DCUN1D5: variants seen among roughly 807,000 people sequenced by gnomAD.
DCUN1D5 encodes DCN1-like protein 5.
In DCUN1D5, 10 loss-of-function variants were observed where a neutral mutation model predicts 38.3. The observed-to-expected ratio is 0.26, with a 90% CI of 0.16 to 0.44. The LOEUF is 0.44. Ranked by LOEUF, DCUN1D5 falls within the 20% of genes least tolerant of loss-of-function variation. The probability of loss-of-function intolerance (pLI) is 1.00; values close to 1 mark genes in which losing one functional copy is unlikely to be tolerated. For synonymous variants in DCUN1D5, 93 were observed against 90.9 expected (o/e 1.02, Z -0.13); for missense variants, 148 against 275.3 (o/e 0.54, Z 3.27).
At position 103,056,103 on chromosome 11, in the gene DCUN1D5, A is replaced by C. The variant is rs1861866232; in HGVS notation, c.*6256T>G. Among the ~76,000 whole-genome samples the C allele has an allele frequency of 6.6e-6, 1 of 152,070 alleles. No homozygotes were observed. Among genetic ancestry groups the C allele is most frequent in the Non-Finnish European group, 1.5e-5 (1 of 68,014 alleles). ...TTATTTCCATTACTCTTAATCTCAA[A>C]TTGTACCATTTGTCACCTGGATTTA... On this transcript the variant is annotated 3_prime_UTR_variant, in exon 8 of 8. Transcript: ENST00000260247. This position sits in a 1 kb window ranked among gnomAD's most constrained non-coding sequence, Gnocchi z 4.9.
rs749513211 is a variant in DCUN1D5, at chr11:103,062,431, C to G, written c.659-17G>C. The G allele has an allele frequency of 6.2e-7, 1 of 1,609,244 alleles. No individual in the cohort carries two copies. Among genetic ancestry groups the G allele is most frequent in the Non-Finnish European group, 8.5e-7 (1 of 1,178,006 alleles). On this transcript the variant is annotated splice_polypyrimidine_tract_variant and intron_variant, in intron 7 of 7. Coordinates refer to ENST00000260247, the MANE Select transcript of DCUN1D5 (RefSeq NM_032299.4). This position sits in a 1 kb window ranked among gnomAD's most constrained non-coding sequence, Gnocchi z 4.6. ...GAACAGGCCCTAGAAAAAAAGAAAC[C>G]ATTTTTGTCAGAATTCAGTGAACTC...
chr11:103,054,392 T>TA lies in DCUN1D5; in HGVS notation c.*7966dup, dbSNP rs1861821748. 1 of 152,172 alleles carries TA rather than the reference T, an allele frequency of 6.6e-6. No individual in the cohort carries two copies. Among genetic ancestry groups the TA allele is most frequent in the Non-Finnish European group, 1.5e-5 (1 of 68,008 alleles). The allele number at this position is 152,172 out of a possible 1,614,324, so 9.4% of individuals were successfully genotyped here. On this transcript the variant is annotated 3_prime_UTR_variant, in exon 8 of 8. Coordinates refer to ENST00000260247, the MANE Select transcript of DCUN1D5 (RefSeq NM_032299.4). ...GGCCCCAATTCCCTGACCGTTTTCT[T>TA]ATTTTTCTCTCTCTCATTATTCACA...
chr11:103,052,857 C>G lies in DCUN1D5; in HGVS notation c.*9502G>C, dbSNP rs1490620614. 2 of 151,976 alleles carry G rather than the reference C, an allele frequency of 1.3e-5. No individual in the cohort carries two copies. The highest frequency in any genetic ancestry group is 3.9e-4 in the East Asian group (2 of 5,138). 9.4% of individuals were successfully genotyped at this position (151,976 alleles called of 1,614,324 possible). A position where few individuals can be genotyped will look rare whatever the true frequency, so the allele number is the denominator to read the frequency against. On this transcript the variant is annotated 3_prime_UTR_variant, in exon 8 of 8. Coordinates refer to ENST00000260247, the MANE Select transcript of DCUN1D5 (RefSeq NM_032299.4). ...AGTTTTCTCACTCTATTACTTTGTT[C>G]ACATGTTTGATGTCAAGGTGCAAAT...
chr11:103,081,337 A>C (rs1862560082), intron 4 of DCUN1D5, among the ~76,000 whole-genome samples: 1 of 152,228 alleles, frequency 6.6e-6, no homozygotes, highest in Admixed American at 6.5e-5. Context: ...ACTGAGTTGT[A>C]TAAAACCTAT....
rs1322491336 is a variant in DCUN1D5 at position 103,066,247 on chromosome 11, A to C, written c.555+22T>G. 6.9e-7 allele frequency: 1 copy of C among 1,455,294 alleles called. No homozygotes were observed. Among genetic ancestry groups the C allele is most frequent in the African/African-American group, 1.4e-5 (1 of 69,958 alleles). 90.1% of individuals were successfully genotyped at this position (1,455,294 alleles called of 1,614,324 possible). ...ATTAAGTTTTAAAATAATATTTTCAAAATTCGAAAAAACATACGTACCTCC... is the reference window on the plus strand; with the variant it reads ...ATTAAGTTTTAAAATAATATTTTCACAATTCGAAAAAACATACGTACCTCC... On this transcript the variant is annotated intron_variant, in intron 6 of 7. Coordinates refer to ENST00000260247, the MANE Select transcript of DCUN1D5 (RefSeq NM_032299.4). The surrounding 1 kb of genome is among the most constrained non-coding windows in gnomAD (Gnocchi z 4.7).
Position 103,083,419 on chromosome 11 carries a change from A to G in DCUN1D5, c.179-93T>C. 2 of 619,956 alleles carry G rather than the reference A, an allele frequency of 3.2e-6. No homozygotes were observed. Among genetic ancestry groups the G allele is most frequent in the South Asian group, 4.9e-5 (2 of 40,686 alleles). 38.4% of individuals were successfully genotyped at this position (619,956 alleles called of 1,614,324 possible). On this transcript the variant is annotated intron_variant, in intron 2 of 7. Transcript: ENST00000260247. The surrounding 1 kb of genome is among the most constrained non-coding windows in gnomAD (Gnocchi z 4.4). ...AAGGTACCCATGAACACACCATAAT[A>G]TTTTGCAAATAATTAAATTTGAATT...
intron 1 of DCUN1D5, among the ~76,000 whole-genome samples, chr11:103,089,780 A>C (rs1438430678): frequency 1.3e-5 from 2 of 152,086 alleles, no homozygotes; most frequent in Non-Finnish European, 1.5e-5. Flanking sequence ...TTATCACCTA[A>C]GCTTAAATAG....
chr11:103,090,651 T>C (rs1862835297), intron 1 of DCUN1D5, among the ~76,000 whole-genome samples: 2 of 152,154 alleles, frequency 1.3e-5, no homozygotes, highest in African/African-American at 4.8e-5. Flanking sequence ...GGTGGCTCAC[T>C]CCTGTAATCC....
In DCUN1D5 at chr11:103,088,439, C is replaced by A. The variant is rs142167370; in HGVS notation, c.178+788G>T. Among the ~76,000 whole-genome samples the A allele has an allele frequency of 3.3e-5, 5 of 152,260 alleles. No homozygotes were observed. In the East Asian group the frequency reaches 9.7e-4, roughly 29 times the overall value. ...ATATTTATGAGATAGTATAAGTGTT[C>A]TTTTGCATATATTTGCTTAACTCTT... On this transcript the variant is annotated intron_variant, in intron 2 of 7. Transcript: ENST00000260247.
intron 4 of DCUN1D5, among the ~76,000 whole-genome samples, chr11:103,074,951 T>C (rs1417743432): frequency 6.6e-6 from 1 of 152,202 alleles, no homozygotes; most frequent in African/African-American, 2.4e-5. Context: ...GTGTAAAATT[T>C]CTCTATGGAA....
In DCUN1D5 at chr11:103,073,223, A is replaced by G. The variant is rs1274153173; in HGVS notation, c.342-6656T>C. Among the ~76,000 whole-genome samples the G allele has an allele frequency of 6.6e-6, 1 of 151,756 alleles. No individual in the cohort carries two copies. The highest frequency in any genetic ancestry group is 1.5e-5 in the Non-Finnish European group (1 of 67,778). On this transcript the variant is annotated intron_variant, in intron 4 of 7. Coordinates refer to ENST00000260247, the MANE Select transcript of DCUN1D5 (RefSeq NM_032299.4). This position sits in a 1 kb window ranked among gnomAD's most constrained non-coding sequence, Gnocchi z 4.2. ...GCCGAAAACTACACAAAACTGATGA[A>G]AAAAATCAAATACCTAAAAAAATGA...
chr11:103,074,911 C>G (rs1016439283), intron 4 of DCUN1D5, among the ~76,000 whole-genome samples: 1 of 152,134 alleles, frequency 6.6e-6, no homozygotes, highest in South Asian at 2.1e-4. Flanking sequence ...CTAGTGATCA[C>G]GGAACCTTTT....
At position 103,078,505 on chromosome 11, in the gene DCUN1D5, T is replaced by C. The variant is rs1178335461; in HGVS notation, c.341+4243A>G. Among the ~76,000 whole-genome samples, 2 of 152,234 alleles carry C rather than the reference T, an allele frequency of 1.3e-5. No individual in the cohort carries two copies. The highest frequency in any genetic ancestry group is 2.9e-5 in the Non-Finnish European group (2 of 68,040). On this transcript the variant is annotated intron_variant, in intron 4 of 7. Coordinates refer to ENST00000260247, the MANE Select transcript of DCUN1D5 (RefSeq NM_032299.4). The surrounding 1 kb of genome is among the most constrained non-coding windows in gnomAD (Gnocchi z 4.6). Reference sequence around the variant, plus strand: ...CAAAAGAGACTGTGACTTTAAAATATTAAAAACAATTGCTCATTGAAAATT... The same window carrying C: ...CAAAAGAGACTGTGACTTTAAAATACTAAAAACAATTGCTCATTGAAAATT...
At position 103,066,312 on chromosome 11, in the gene DCUN1D5, C is replaced by T. The variant is rs1862133433; in HGVS notation, c.512G>A (p.Gly171Glu). 2 of 1,610,240 alleles carry T rather than the reference C, an allele frequency of 1.2e-6. No individual in the cohort carries two copies. Among genetic ancestry groups the T allele is most frequent in the South Asian group, 2.2e-5 (2 of 90,156 alleles). Residue 171 changes from glycine to glutamate, a missense_variant, in exon 6 of 8, where the codon GGG becomes GAG. Gly to Glu is a moderately conservative substitution (Grantham distance 98). Transcript: ENST00000260247. This position sits in a 1 kb window ranked among gnomAD's most constrained non-coding sequence, Gnocchi z 4.7. ...TAKSMLALLL[G>E]RTWPLFSVFY... is the part of the protein sequence containing the mutation. ...TACTGAAAACAGTGGCCATGTCCTCCCAAGCAGAAGAGCTAACATAGATTT... is the reference window on the plus strand; with the variant it reads ...TACTGAAAACAGTGGCCATGTCCTCTCAAGCAGAAGAGCTAACATAGATTT...
In DCUN1D5 at chr11:103,071,756, A is replaced by C. The variant is rs1028050413; in HGVS notation, c.342-5189T>G. Among the ~76,000 whole-genome samples the C allele has an allele frequency of 6.6e-6, 1 of 151,214 alleles. No individual in the cohort carries two copies. The highest frequency in any genetic ancestry group is 2.4e-5 in the African/African-American group (1 of 41,388). ...CAGTAGTCTGAGTAGACCTGTTATT[A>C]TTAACGAAATTGAACTCAAAATTTT... is the stretch of plus-strand genomic sequence containing the variant. On this transcript the variant is annotated intron_variant, in intron 4 of 7. Coordinates refer to ENST00000260247, the MANE Select transcript of DCUN1D5 (RefSeq NM_032299.4). This position sits in a 1 kb window ranked among gnomAD's most constrained non-coding sequence, Gnocchi z 4.1.
At position 103,062,564 on chromosome 11, in the gene DCUN1D5, T is replaced by C. The variant is rs899234272; in HGVS notation, c.659-150A>G. 99 of 664,794 alleles carry C rather than the reference T, an allele frequency of 1.5e-4. No individual in the cohort carries two copies. The highest frequency in any genetic ancestry group is 2.6e-4 in the Middle Eastern group (1 of 3,854). 41.2% of individuals were successfully genotyped at this position (664,794 alleles called of 1,614,324 possible). Reference sequence around the variant, plus strand: ...CTAGACACCTTATTCCATTTAATGGTGCTTTCTTATTAGCCTTTTCTTTTT... The same window carrying C: ...CTAGACACCTTATTCCATTTAATGGCGCTTTCTTATTAGCCTTTTCTTTTT... On this transcript the variant is annotated intron_variant, in intron 7 of 7. Coordinates refer to ENST00000260247, the MANE Select transcript of DCUN1D5 (RefSeq NM_032299.4). The surrounding 1 kb of genome is among the most constrained non-coding windows in gnomAD (Gnocchi z 4.6).
At chr11:103,079,587 T>C (rs1037097431) in intron 4 of DCUN1D5, among the ~76,000 whole-genome samples, 2 of 151,512 alleles carry the variant, frequency 1.3e-5, no homozygotes, top group African/African-American at 4.9e-5. Flanking sequence ...CCCAGGAGTT[T>C]GAGACCAGCC....
At chr11:103,075,438 G>C (rs12789037) in intron 4 of DCUN1D5, among the ~76,000 whole-genome samples, 1 of 151,938 alleles carries the variant, frequency 6.6e-6, no homozygotes, top group African/African-American at 2.4e-5. Flanking sequence ...CTGGAGTGCA[G>C]AGGTGCAATC....
intron 2 of DCUN1D5, among the ~76,000 whole-genome samples, chr11:103,085,438 A>T (rs1862679806): frequency 6.6e-6 from 1 of 152,254 alleles, no homozygotes; most frequent in Non-Finnish European, 1.5e-5. Flanking sequence ...CTCTGTCTCA[A>T]AAAATATAAA....
Sources: allele counts gnomAD v4.1 joint callset (sites outside exome capture counted in the v4.1 genomes callset), GRCh38; gene constraint gnomAD v4.1.1; non-coding constraint Gnocchi (gnomAD v3.1); transcripts MANE v1.5; gene names NCBI Gene and HGNC (gene_info 2026-07-23, HGNC 2026-07-21).